The following SNX8 variants were observed in gnomAD, a reference collection of about 807,000 sequenced individuals.
SNX8 encodes sorting nexin 8, also known as sorting nexin-8.
SNX8 carries 25 observed loss-of-function variants against 51.6 expected under a neutral mutation model. The observed-to-expected ratio is 0.48, with a 90% confidence interval of 0.35 to 0.68. SNX8 has a LOEUF of 0.68. Among genes scored for constraint, SNX8 ranks in the 30% least tolerant of loss-of-function variants. The probability of loss-of-function intolerance (pLI) is 0.00; values close to 1 mark genes in which losing one functional copy is unlikely to be tolerated. For missense variants in SNX8, 695 were observed against 624.0 expected (o/e 1.11, Z -1.21); for synonymous variants, 324 against 277.0 (o/e 1.17, Z -1.68).
At chr7:2,256,535 G>A (rs1230421434) in intron 10 of SNX8, among the ~76,000 whole-genome samples, 2 of 152,236 alleles carry the variant, frequency 1.3e-5, no homozygotes, top group Non-Finnish European at 2.9e-5. Flanking sequence ...GCCACCTGCG[G>A]CGCTCCGAAG....
chr7:2,311,302 C>T (rs970640858), intron 1 of SNX8, among the ~76,000 whole-genome samples: 4 of 152,210 alleles, frequency 2.6e-5, no homozygotes, highest in Non-Finnish European at 5.9e-5. Flanking sequence ...TCCTTCAAAC[C>T]AACCTTAGTG....
rs531771115 is a variant in SNX8, at chr7:2,276,340, CA to C, written c.301-1112del. On this transcript the variant is annotated intron_variant, in intron 2 of 10. Transcript: ENST00000222990. ...CGGCCCAGAGGGCCGGGAACCACGGCAAAGCCAGACAGCAAGGCGGCTCTGA... is the reference window on the plus strand; with the variant it reads ...CGGCCCAGAGGGCCGGGAACCACGGCAAGCCAGACAGCAAGGCGGCTCTGA... Among the ~76,000 whole-genome samples the C allele has an allele frequency of 1.1e-4, 16 of 152,358 alleles. 1 individual carries two copies. The South Asian group carries it at 3.3e-3, about 32-fold the overall frequency.
chr7:2,323,362 CA>C (rs1446297064), intron 1 of SNX8, among the ~76,000 whole-genome samples: 2 of 136,256 alleles, frequency 1.5e-5, no homozygotes, highest in East Asian at 4.3e-4. Context: ...ACCAAACAAA[CA>C]AAAAAACTAA....
At chr7:2,298,616 C>T (rs1449384364) in intron 1 of SNX8, among the ~76,000 whole-genome samples, 2 of 151,724 alleles carry the variant, frequency 1.3e-5, no homozygotes, top group South Asian at 2.1e-4. Flanking sequence ...GTGATCCACC[C>T]GCCTCAGCCT....
At chr7:2,258,875 G>A (rs1795265831) in intron 7 of SNX8, among the ~76,000 whole-genome samples, 1 of 152,182 alleles carries the variant, frequency 6.6e-6, no homozygotes, top group Non-Finnish European at 1.5e-5. Context: ...CAGCCCTGGA[G>A]TGGAACAGGG....
intron 1 of SNX8, among the ~76,000 whole-genome samples, chr7:2,327,704 GC>G (rs1778650554): frequency 6.6e-6 from 1 of 150,940 alleles, no homozygotes; most frequent in Non-Finnish European, 1.5e-5. Context: ...ATCGCACCCG[GC>G]CTAATTTTTT....
At chr7:2,317,685 A>G (rs1796779094), upstream of SNX8, among the ~76,000 whole-genome samples, 1 of 152,048 alleles carries the variant, frequency 6.6e-6, no homozygotes, top group Non-Finnish European at 1.5e-5. Flanking sequence ...CTCACAAGGT[A>G]GTTACTTCCT....
At chr7:2,259,492 T>G (rs536139785) in intron 7 of SNX8, among the ~76,000 whole-genome samples, 1 of 152,226 alleles carries the variant, frequency 6.6e-6, no homozygotes, top group South Asian at 2.1e-4. Flanking sequence ...TGGAACGAGT[T>G]TTACGGGACA....
At chr7:2,348,299 G>C (rs1489393867) in intron 1 of SNX8, among the ~76,000 whole-genome samples, 3 of 151,572 alleles carry the variant, frequency 2.0e-5, no homozygotes, top group Non-Finnish European at 4.4e-5. Context: ...ACAAGGCAGA[G>C]GCTCTGGCGA....
chr7:2,346,530 G>A (rs536415994), intron 1 of SNX8, among the ~76,000 whole-genome samples: 4 of 151,288 alleles, frequency 2.6e-5, no homozygotes, highest in African/African-American at 4.8e-5. Flanking sequence ...GGAGGATCAC[G>A]AGGTCAGGAG....
chr7:2,329,713 C>T (rs2115234083), intron 1 of SNX8, among the ~76,000 whole-genome samples: 1 of 152,236 alleles, frequency 6.6e-6, no homozygotes, highest in South Asian at 2.1e-4. Flanking sequence ...GGTGGAGCTT[C>T]TGGATGCACA....
chr7:2,347,877 CA>C (rs1315593345), intron 1 of SNX8, among the ~76,000 whole-genome samples: 7 of 139,424 alleles, frequency 5.0e-5, no homozygotes, highest in African/African-American at 1.8e-4. Context: ...CTCCTGACCT[CA>C]GGTGATCTGC....
chr7:2,286,212 A>T (rs1796024903), intron 1 of SNX8, among the ~76,000 whole-genome samples: 1 of 151,656 alleles, frequency 6.6e-6, no homozygotes, highest in Non-Finnish European at 1.5e-5. Context: ...GGGTTTCACC[A>T]TGATGGCCAG....
chr7:2,282,937 T>G (rs569635488), intron 1 of SNX8, among the ~76,000 whole-genome samples: 128 of 151,272 alleles, frequency 8.5e-4, no homozygotes, highest in African/African-American at 2.9e-3. Context: ...CTGGCTAACA[T>G]GGTGAAACCC....
intron 1 of SNX8, among the ~76,000 whole-genome samples, chr7:2,291,647 AC>A (rs1265244521): frequency 6.6e-6 from 1 of 151,790 alleles, no homozygotes; most frequent in African/African-American, 2.4e-5. Flanking sequence ...GGAAGACCCA[AC>A]CCCCTGGTCC....
chr7:2,291,115 G>A (rs1384022205), intron 1 of SNX8, among the ~76,000 whole-genome samples: 1 of 151,964 alleles, frequency 6.6e-6, no homozygotes, highest in African/African-American at 2.4e-5. Context: ...GGGCAACACA[G>A]CAAGACCCTA....
At position 2,340,446 on chromosome 7, in the gene SNX8, T is replaced by C. The variant is rs186622778; in HGVS notation, c.-66+13776A>G. Among the ~76,000 whole-genome samples the C allele has an allele frequency of 6.2e-3, 946 of 152,100 alleles. 18 individuals are homozygous for C. Among genetic ancestry groups the C allele is most frequent in the African/African-American group, 0.022 (899 of 41,510 alleles). ...TTTTTTTTTCTTTTCTTGCTTTTTT[T>C]TTGGAATTTTCAAAATTCTATTTTT... On this transcript the variant is annotated intron_variant, in intron 1 of 5. Coordinates refer to the SNX8 transcript ENST00000435336.
rs182927566 is a variant in SNX8 at position 2,349,164 on chromosome 7, A to C, written c.-66+5058T>G. Among the ~76,000 whole-genome samples, 590 of 150,592 alleles carry C rather than the reference A, an allele frequency of 3.9e-3. 20 individuals are homozygous for C. The highest frequency in any genetic ancestry group is 0.036 in the Admixed American group (538 of 15,012). On this transcript the variant is annotated intron_variant, in intron 1 of 5. Transcript: ENST00000435336. Reference sequence around the variant, plus strand: ...GGTTGCAGTGAGCCGAGATCACACCACTGCACTCCAGCCTGGGTGACAGAG... The same window carrying C: ...GGTTGCAGTGAGCCGAGATCACACCCCTGCACTCCAGCCTGGGTGACAGAG...
At chr7:2,353,696 C>G (rs1045719587) in intron 1 of SNX8, among the ~76,000 whole-genome samples, 1 of 152,094 alleles carries the variant, frequency 6.6e-6, no homozygotes, top group African/African-American at 2.4e-5. Flanking sequence ...AATTGAAGGT[C>G]CGTCCCCGAT....
Sources: gnomAD v4.1 joint callset for allele counts (sites outside exome capture counted in the v4.1 genomes callset) on GRCh38, gnomAD v4.1.1 for gene constraint, MANE v1.5 for transcripts, NCBI Gene and HGNC (gene_info 2026-07-23, HGNC 2026-07-21) for gene names.